HSP90AB1: variants seen among roughly 807,000 people sequenced by gnomAD.
HSP90AB1 encodes heat shock protein HSP 90-beta.
In HSP90AB1, 17 loss-of-function variants were observed where a neutral mutation model predicts 67.8. The observed-to-expected ratio is 0.25, with a 90% CI of 0.17 to 0.38. The LOEUF is 0.38. Ranked by LOEUF, HSP90AB1 falls within the 10% of genes least tolerant of loss-of-function variation. The pLI, the probability that HSP90AB1 is intolerant of heterozygous loss-of-function variation, is 1.00. For synonymous variants in HSP90AB1, 390 were observed against 312.9 expected (o/e 1.25, Z -2.60); for missense variants, 690 against 899.9 (o/e 0.77, Z 2.98).
intron 10 of HSP90AB1, among the ~76,000 whole-genome samples, chr6:44,252,742 C>T (rs1321067739): frequency 6.6e-6 from 1 of 151,920 alleles, no homozygotes; most frequent in African/African-American, 2.4e-5. Context: ...GTGATTCGCC[C>T]ACCTCGGCCT....
chr6:44,251,376 TA>T, intron 7 of HSP90AB1, 41 bp from the exon 8 acceptor site: 2 of 1,578,528 alleles, frequency 1.3e-6, no homozygotes, highest in Non-Finnish European at 1.7e-6. Flanking sequence ...AGGTCTGGTC[TA>T]GCTGTTTTTT....
chr6:44,249,942 TCTG>T (rs1446380486), intron 4 of HSP90AB1, 76 bp from the exon 5 acceptor site: 3 of 1,587,338 alleles, frequency 1.9e-6, no homozygotes, highest in East Asian at 2.2e-5. Context: ...TCACAGCAGT[TCTG>T]CTGATACTTA....
At chr6:44,250,651 A>T in intron 6 of HSP90AB1, 52 bp downstream of exon 6, 1 of 984,270 alleles carries the variant, frequency 1.0e-6, no homozygotes, top group South Asian at 1.4e-5. Flanking sequence ...GAGAGGAATG[A>T]GTTAGGTGGA....
rs755590502 is a variant in HSP90AB1, at chr6:44,253,873, G to T, written c.*275G>T. 1.5e-5 allele frequency: 10 copies of T among 679,156 alleles called. No individual in the cohort carries two copies. Among genetic ancestry groups the T allele is most frequent in the Non-Finnish European group, 2.8e-5 (10 of 355,644 alleles). The allele number at this position is 679,156 out of a possible 1,614,324, so 42.1% of individuals were successfully genotyped here. Reference sequence around the variant, plus strand: ...AAGTATGCAAAATAAAGAATATGCCGTTTTTATACAGTTCTGCTTTCCCTT... The same window carrying T: ...AAGTATGCAAAATAAAGAATATGCCTTTTTTATACAGTTCTGCTTTCCCTT... On this transcript the variant is annotated 3_prime_UTR_variant, in exon 12 of 12. Coordinates refer to ENST00000371646, the MANE Select transcript of HSP90AB1 (RefSeq NM_007355.4).
rs1780954877 is a variant in HSP90AB1, at chr6:44,253,272, C to G, written c.1959C>G (p.Asp653Glu). Reference sequence around the variant, plus strand: ...ACAAGAATGATAAGGCAGTTAAGGACCTGGTGGTGCTGCTGTTTGAAACCG... The same window carrying G: ...ACAAGAATGATAAGGCAGTTAAGGAGCTGGTGGTGCTGCTGTTTGAAACCG... ...EADKNDKAVK[D>E]LVVLLFETAL... The change falls in exon 11 of 12, where the codon GAC becomes GAG. Residue 653 changes from aspartate (D) to glutamate (E), a missense_variant. Physicochemically the swap from Asp to Glu is conservative, Grantham distance 45. Coordinates refer to ENST00000371646, the MANE Select transcript of HSP90AB1 (RefSeq NM_007355.4). The G allele has an allele frequency of 6.2e-7, 1 of 1,614,078 alleles. No homozygotes were observed. Among genetic ancestry groups the G allele is most frequent in the Non-Finnish European group, 8.5e-7 (1 of 1,180,038 alleles).
intron 8 of HSP90AB1, 30 bp from the exon 9 acceptor site, chr6:44,251,707 G>A: frequency 6.2e-7 from 1 of 1,606,316 alleles, no homozygotes; most frequent in Non-Finnish European, 8.5e-7. Context: ...TAGTTAAGCT[G>A]GATTGTTTTT....
Position 44,248,876 on chromosome 6 carries a change from A to AGG in HSP90AB1, c.147+104_147+105dup, listed in dbSNP as rs572197168. On this transcript the variant is annotated intron_variant, in intron 2 of 11. Transcript: ENST00000371646. ...GGCCTTTGTTGGGGACTACTATTGAAGGGGGTAAACTTGCAGCTATTCCAA... is the reference window on the plus strand; with the variant it reads ...GGCCTTTGTTGGGGACTACTATTGAAGGGGGGGTAAACTTGCAGCTATTCCAA... 1.2e-3 allele frequency: 1,275 copies of AGG among 1,062,618 alleles called. 1 individual carries two copies. The highest frequency in any genetic ancestry group is 1.6e-3 in the Non-Finnish European group (1,127 of 712,636). The allele number at this position is 1,062,618 out of a possible 1,614,324, so 65.8% of individuals were successfully genotyped here. A position where few individuals can be genotyped will look rare whatever the true frequency, so the allele number is the denominator to read the frequency against.
At chr6:44,249,294 C>T (rs1168112790) in intron 2 of HSP90AB1, 83 bp from the exon 3 acceptor site, 2 of 1,144,108 alleles carry the variant, frequency 1.7e-6, no homozygotes, top group African/African-American at 1.5e-5. Flanking sequence ...AGCTGTCATC[C>T]TTGCCACTGC....
Position 44,252,043 on chromosome 6 carries a change from G to T in HSP90AB1, c.1507G>T (p.Val503Leu). Residue 503 changes from valine (V) to leucine (L), a missense_variant, in exon 10 of 12, where the codon GTG becomes TTG. This residue lies in a region of HSP90AB1 where 206 missense variants were observed against 221.4 expected (regional missense o/e 0.93). Coordinates refer to ENST00000371646, the MANE Select transcript of HSP90AB1 (RefSeq NM_007355.4). ...QVANSAFVER[V>L]RKRGFEVVYM... Reference sequence around the variant, plus strand: ...GGCCAACTCAGCTTTTGTGGAGCGAGTGCGGAAACGGGGCTTCGAGGTGGT... The same window carrying T: ...GGCCAACTCAGCTTTTGTGGAGCGATTGCGGAAACGGGGCTTCGAGGTGGT... The T allele has an allele frequency of 6.2e-7, 1 of 1,614,202 alleles. No individual in the cohort carries two copies.
Position 44,249,995 on chromosome 6 carries a change from T to TA in HSP90AB1, c.515-25dup, listed in dbSNP as rs767339155. 9 of 1,613,636 alleles carry TA rather than the reference T, an allele frequency of 5.6e-6. No homozygotes were observed. In the East Asian group the frequency reaches 1.1e-4, roughly 20 times the overall value. Reference sequence around the variant, plus strand: ...CAACTGCATATACTTTTTACCCTGTTACACGCTTGTAATTGACTCTTCTAG... The same window carrying TA: ...CAACTGCATATACTTTTTACCCTGTTAACACGCTTGTAATTGACTCTTCTAG... On this transcript the variant is annotated intron_variant, in intron 4 of 11. Coordinates refer to ENST00000371646, the MANE Select transcript of HSP90AB1 (RefSeq NM_007355.4).
chr6:44,250,630 A>G (rs746772055), intron 6 of HSP90AB1, 31 bp downstream of exon 6: 4 of 1,216,380 alleles, frequency 3.3e-6, no homozygotes, highest in African/African-American at 1.5e-5. Flanking sequence ...TTGGCTCAAC[A>G]TGCACATATG....
chr6:44,252,731 T>C (rs1582989193), intron 10 of HSP90AB1, among the ~76,000 whole-genome samples: 2 of 152,012 alleles, frequency 1.3e-5, no homozygotes, highest in East Asian at 1.9e-4. Flanking sequence ...CTCCTGACCT[T>C]GTGATTCGCC....
In HSP90AB1 at chr6:44,248,634, C is replaced by T; in HGVS notation, c.5C>T (p.Pro2Leu). ...TTAATGAGATTTTTATTTTAGATGC[C>T]TGAGGAAGTGCACCATGGAGAGGAG... MPEEVHHGEEEV... is the reference protein window; with the variant it reads MLEEVHHGEEEV... The change falls in exon 2 of 12, where the codon CCT (proline) becomes CTT (leucine). Residue 2 changes from proline (P) to leucine (L), a missense_variant. Around this residue, in one of 7 missense-constraint regions of HSP90AB1, gnomAD observed 25 missense variants for 18.0 expected, o/e 1.39. Transcript: ENST00000371646. The T allele has an allele frequency of 6.2e-7, 1 of 1,602,624 alleles. No homozygotes were observed. Among genetic ancestry groups the T allele is most frequent in the Non-Finnish European group, 8.5e-7 (1 of 1,176,956 alleles).
intron 3 of HSP90AB1, 23 bp downstream of exon 3, chr6:44,249,606 C>T (rs745635342): frequency 3.7e-6 from 6 of 1,611,512 alleles, no homozygotes; most frequent in African/African-American, 2.7e-5. Flanking sequence ...TGTAGGCATT[C>T]ATACTTATCT....
At chr6:44,247,810 C>T (rs1459000078) in intron 1 of HSP90AB1, 2 of 152,244 alleles carry the variant, frequency 1.3e-5, no homozygotes, top group African/African-American at 2.4e-5. Context: ...TTCCTCCGCC[C>T]TTCCTCGAGA....
chr6:44,253,482 A>T lies in HSP90AB1; in HGVS notation c.2066-7A>T, dbSNP rs779759061. The T allele has an allele frequency of 1.9e-6, 3 of 1,612,394 alleles. No homozygotes were observed. In the South Asian group the frequency reaches 3.3e-5, roughly 18 times the overall value. On this transcript the variant is annotated splice_polypyrimidine_tract_variant and splice_region_variant and intron_variant, in intron 11 of 11. Transcript: ENST00000371646. ...GTCAAGTCTCACATGGCTTAATTTT[A>T]CTTCAGGTATTGATGAAGATGAAGT...
At chr6:44,246,782 C>G (rs967802276), upstream of HSP90AB1, among the ~76,000 whole-genome samples, 1 of 152,180 alleles carries the variant, frequency 6.6e-6, no homozygotes, top group Non-Finnish European at 1.5e-5. Context: ...GCCTGCCCCA[C>G]AAGTGTTTAG....
At chr6:44,250,662 A>C in intron 6 of HSP90AB1, 63 bp downstream of exon 6, 1 of 905,286 alleles carries the variant, frequency 1.1e-6, no homozygotes, top group Non-Finnish European at 1.8e-6. Context: ...GTTAGGTGGA[A>C]GAGTGTTGGG....
intron 1 of HSP90AB1, 157 bp from the exon 2 acceptor site, chr6:44,248,473 C>CT (rs1561897426): frequency 8.6e-6 from 5 of 582,264 alleles, no homozygotes; most frequent in Non-Finnish European, 1.5e-5. Context: ...AGTCTGAGAT[C>CT]TTTAAGAGAA....
Sources: gnomAD v4.1 joint callset for allele counts (sites outside exome capture counted in the v4.1 genomes callset) on GRCh38, gnomAD v4.1.1 for gene constraint, gnomAD v4.1.1 regional missense constraint, MANE v1.5 for transcripts, NCBI Gene and HGNC (gene_info 2026-07-23, HGNC 2026-07-21) for gene names.